The following STAG2 variants were observed in gnomAD, a reference collection of about 807,000 sequenced individuals.
The protein encoded by STAG2 is STAG2 cohesin complex component.
STAG2 carries 14 observed loss-of-function variants against 108.1 expected under a neutral mutation model. The ratio of observed to expected loss-of-function variants is 0.13; its 90% confidence interval spans 0.09 to 0.20. The LOEUF (loss-of-function observed/expected upper bound fraction) is 0.20. Ranked by LOEUF, STAG2 falls within the 10% of genes least tolerant of loss-of-function variation. STAG2 has a pLI of 1.00. For missense variants in STAG2, 440 were observed against 940.9 expected (o/e 0.47, Z 6.96); for synonymous variants, 307 against 302.7 (o/e 1.01, Z -0.15).
chrX:123,964,055 T>TA (rs933525145), intron 1 of STAG2, among the ~76,000 whole-genome samples: 2 of 111,787 alleles, frequency 1.8e-5, no homozygotes, highest in Non-Finnish European at 3.8e-5. Flanking sequence ...CGCTCATTGT[T>TA]ACTATTATTC....
intron 1 of STAG2, among the ~76,000 whole-genome samples, chrX:124,002,479 C>T (rs2056088383): frequency 9.0e-6 from 1 of 111,367 alleles, no homozygotes; most frequent in African/African-American, 3.3e-5. Flanking sequence ...CCTGTAGATA[C>T]GTTAGTGATG....
chrX:124,007,957 T>A (rs1018516803), intron 1 of STAG2, among the ~76,000 whole-genome samples: 3 of 111,567 alleles, frequency 2.7e-5, no homozygotes, highest in Non-Finnish European at 5.6e-5. Context: ...CTGGAAAAAC[T>A]GCTTGTTGCT....
intron 29 of STAG2, among the ~76,000 whole-genome samples, chrX:124,084,549 C>G (rs754871704): frequency 3.6e-5 from 4 of 110,763 alleles, no homozygotes; most frequent in African/African-American, 1.3e-4. Context: ...AACTCGTGAC[C>G]TCAGGTGATC....
chrX:124,042,872 G>A (rs111287989), intron 7 of STAG2, among the ~76,000 whole-genome samples: 177 of 107,628 alleles, frequency 1.6e-3, no homozygotes, highest in African/African-American at 5.7e-3. Flanking sequence ...AAAATTAGCC[G>A]GGAGTCGTGG....
chrX:124,097,877 A>G (rs1315739718), intron 34 of STAG2, among the ~76,000 whole-genome samples: 3 of 110,791 alleles, frequency 2.7e-5, no homozygotes, highest in Non-Finnish European at 5.7e-5. Context: ...TTGGATGAGA[A>G]CACCAACAAA....
chrX:123,970,204 A>G (rs2054296467), intron 1 of STAG2, among the ~76,000 whole-genome samples: 1 of 109,750 alleles, frequency 9.1e-6, no homozygotes, highest in Non-Finnish European at 1.9e-5. Flanking sequence ...CTCTTTGTTC[A>G]TTGAGGAGTC....
At chrX:123,990,206 C>T (rs1383045238) in intron 1 of STAG2, among the ~76,000 whole-genome samples, 2 of 111,855 alleles carry the variant, frequency 1.8e-5, no homozygotes, top group Non-Finnish European at 3.8e-5. Context: ...AGAGGTTTTC[C>T]GTTGGCCACT....
intron 4 of STAG2, among the ~76,000 whole-genome samples, chrX:124,029,112 G>T (rs1304930927): frequency 9.4e-6 from 1 of 106,554 alleles, no homozygotes; most frequent in Non-Finnish European, 1.9e-5. Context: ...CGCCTTCTGG[G>T]TTCACGCCAT....
chrX:123,976,059 A>T (rs1319427928), intron 1 of STAG2, among the ~76,000 whole-genome samples: 1 of 112,010 alleles, frequency 8.9e-6, no homozygotes, highest in Non-Finnish European at 1.9e-5. Flanking sequence ...CAGAGGTAGG[A>T]GCCCAGGAGT....
At chrX:124,011,504 A>G (rs766887854) in intron 1 of STAG2, among the ~76,000 whole-genome samples, 1 of 111,876 alleles carries the variant, frequency 8.9e-6, no homozygotes, top group East Asian at 2.8e-4. Context: ...TGAGTATAAT[A>G]TTAGCTATGA....
At chrX:123,986,409 T>G (rs768618070) in intron 1 of STAG2, among the ~76,000 whole-genome samples, 2 of 110,908 alleles carry the variant, frequency 1.8e-5, no homozygotes, top group Non-Finnish European at 3.8e-5. Context: ...AACAAAGGTA[T>G]TTGAGTTTCT....
At chrX:124,031,255 C>T in intron 5 of STAG2, 130 bp downstream of exon 5, 2 of 633,827 alleles carry the variant, frequency 3.2e-6, no homozygotes, top group Non-Finnish European at 4.4e-6. Context: ...GCAACAAAAT[C>T]ATCAGAAAAC....
chrX:124,060,962 A>G (rs1473671058), intron 15 of STAG2, among the ~76,000 whole-genome samples: 3 of 107,876 alleles, frequency 2.8e-5, no homozygotes, highest in Non-Finnish European at 5.7e-5. Flanking sequence ...ATAAATATAT[A>G]TATTTTATAT....
chrX:124,022,370 C>CAA (rs5903652), intron 2 of STAG2, among the ~76,000 whole-genome samples, 161 bp from the exon 3 acceptor site: 1 of 78,616 alleles, frequency 1.3e-5, no homozygotes. Flanking sequence ...GACTGTGTCT[C>CAA]AAAAAAAAAA....
chrX:124,040,063 C>G (rs1344724630), intron 6 of STAG2, among the ~76,000 whole-genome samples: 2 of 111,735 alleles, frequency 1.8e-5, no homozygotes, highest in African/African-American at 6.5e-5. Flanking sequence ...ACTATATAAT[C>G]AAAGATAAAG....
In STAG2 at chrX:124,031,555, T is replaced by G. The variant is rs188698763; in HGVS notation, c.288+430T>G. On this transcript the variant is annotated intron_variant, in intron 5 of 34. Transcript: ENST00000371145. ...TTTTTGTTTGTTTGTTTGTTTGTTT[T>G]TTTTGTTTTTTTGTTTTTTTGTTTT... Among the ~76,000 whole-genome samples the G allele has an allele frequency of 2.9e-3, 221 of 75,839 alleles. 1 individual carries two copies. Among genetic ancestry groups the G allele is most frequent in the African/African-American group, 6.9e-3 (171 of 24,674 alleles). The allele number at this position is 75,839 out of a possible 115,157, so 65.9% of individuals were successfully genotyped here.
chrX:124,032,500 A>T (rs2057377968), intron 5 of STAG2, among the ~76,000 whole-genome samples: 1 of 110,674 alleles, frequency 9.0e-6, no homozygotes. Flanking sequence ...CAACTTTTAG[A>T]TACAGGGATT....
At chrX:123,967,298 T>C (rs1467294303) in intron 1 of STAG2, among the ~76,000 whole-genome samples, 2 of 91,430 alleles carry the variant, frequency 2.2e-5, no homozygotes, top group Non-Finnish European at 4.3e-5. Context: ...GGAGTTTTGC[T>C]CTTGTTGCCC....
At chrX:124,042,536 C>T (rs1383816460) in intron 6 of STAG2, 33 bp from the exon 7 acceptor site, 7 of 1,029,659 alleles carry the variant, frequency 6.8e-6, no homozygotes, top group Admixed American at 2.3e-5. Flanking sequence ...TTTATCACAC[C>T]ATATATTAAC....
Sources: gnomAD v4.1 joint callset for allele counts (sites outside exome capture counted in the v4.1 genomes callset) on GRCh38, gnomAD v4.1.1 for gene constraint, MANE v1.5 for transcripts, NCBI Gene and HGNC (gene_info 2026-07-23, HGNC 2026-07-21) for gene names.